CPB1: variants seen among roughly 807,000 people sequenced by gnomAD.
CPB1 encodes carboxypeptidase B.
In CPB1, 53 loss-of-function variants were observed where a neutral mutation model predicts 51.4. That is an observed-to-expected ratio of 1.03 (90% CI 0.83 to 1.30). The LOEUF (loss-of-function observed/expected upper bound fraction) is 1.30, where lower values mean the gene tolerates loss of function less well. Among genes scored for constraint, CPB1 ranks in the 50% most tolerant of loss-of-function variants. The pLI is 0.00. For missense variants in CPB1, 494 were observed against 516.2 expected, an observed-to-expected ratio of 0.96 and a Z score of 0.42; for synonymous variants, 189 against 186.9, an observed-to-expected ratio of 1.01 and a Z score of -0.09.
At chr3:148,836,677 T>C (rs1712915331) in intron 3 of CPB1, among the ~76,000 whole-genome samples, 1 of 152,196 alleles carries the variant, frequency 6.6e-6, no homozygotes, top group South Asian at 2.1e-4. Context: ...TAATTTTTGC[T>C]TCGCTGTTCA....
Position 148,859,950 on chromosome 3 carries a change from C to T in CPB1, c.1202C>T (p.Thr401Ile), listed in dbSNP as rs757430812. The change falls in exon 11 of 11, where the codon ACC (threonine) becomes ATC (isoleucine). Residue 401 changes from threonine to isoleucine, a missense_variant. Thr to Ile is a moderately conservative substitution (Grantham distance 89, BLOSUM62 -1). Coordinates refer to ENST00000282957, the MANE Select transcript of CPB1 (RefSeq NM_001871.3). ...ESQIRATCEE[T>I]FLAIKYVASY... is the part of the protein sequence containing the mutation. ...CAGATCCGGGCTACCTGCGAGGAGA[C>T]CTTCCTGGCAATCAAGTATGTTGCC... The T allele has an allele frequency of 6.2e-7, 1 of 1,614,106 alleles. No individual in the cohort carries two copies. Among genetic ancestry groups the T allele is most frequent in the East Asian group, 2.2e-5 (1 of 44,884 alleles).
chr3:148,852,272 T>C (rs972166698), intron 9 of CPB1, among the ~76,000 whole-genome samples: 2 of 152,196 alleles, frequency 1.3e-5, no homozygotes, highest in East Asian at 3.8e-4. Flanking sequence ...TTTCAACTAA[T>C]TTTGCCCCCC....
At chr3:148,857,361 C>T (rs1713609881) in intron 9 of CPB1, 96 bp from the exon 10 acceptor site, 1 of 893,616 alleles carries the variant, frequency 1.1e-6, no homozygotes, top group Non-Finnish European at 1.8e-6. Flanking sequence ...CAAATTGTTA[C>T]TTACATGCTT....
At chr3:148,832,157 T>G (rs1712757620) in intron 2 of CPB1, among the ~76,000 whole-genome samples, 1 of 152,194 alleles carries the variant, frequency 6.6e-6, no homozygotes, top group Admixed American at 6.5e-5. Flanking sequence ...TGCCCCATCT[T>G]AAAGAATCCA....
At chr3:148,829,468 AT>A (rs921558993) in intron 2 of CPB1, among the ~76,000 whole-genome samples, 5 of 152,092 alleles carry the variant, frequency 3.3e-5, no homozygotes, top group East Asian at 3.9e-4. Context: ...CCATTAGGTA[AT>A]TTTTTTTCCT....
intron 10 of CPB1, among the ~76,000 whole-genome samples, chr3:148,858,170 A>C (rs1713640601): frequency 6.6e-6 from 1 of 152,170 alleles, no homozygotes; most frequent in Non-Finnish European, 1.5e-5. Context: ...ATGCACAAGG[A>C]AAGAACACAC....
intron 6 of CPB1, among the ~76,000 whole-genome samples, chr3:148,843,930 C>G (rs1713159411): frequency 6.6e-6 from 1 of 152,112 alleles, no homozygotes; most frequent in South Asian, 2.1e-4. Context: ...TCCCCAAAAT[C>G]CATGAGTGTG....
chr3:148,843,180 T>G (rs1392871748), intron 6 of CPB1, among the ~76,000 whole-genome samples: 2 of 152,162 alleles, frequency 1.3e-5, no homozygotes, highest in African/African-American at 2.4e-5. Context: ...CTGAATAAAG[T>G]CTACAGTTTA....
intron 5 of CPB1, among the ~76,000 whole-genome samples, chr3:148,841,460 G>A (rs996892603): frequency 6.6e-6 from 1 of 152,136 alleles, no homozygotes; most frequent in South Asian, 2.1e-4. Flanking sequence ...CAAGATTAGC[G>A]ACAATCATGA....
chr3:148,830,302 A>C (rs1712693919), intron 2 of CPB1, among the ~76,000 whole-genome samples: 1 of 152,174 alleles, frequency 6.6e-6, no homozygotes, highest in Non-Finnish European at 1.5e-5. Context: ...TCACATCTGC[A>C]GTATTTTTTT....
chr3:148,830,636 C>T (rs1024166751), intron 2 of CPB1, among the ~76,000 whole-genome samples: 1 of 152,152 alleles, frequency 6.6e-6, no homozygotes, highest in Non-Finnish European at 1.5e-5. Context: ...ATGTCCTCAT[C>T]TACCTTGGGC....
At chr3:148,830,246 C>A (rs1353590713) in intron 2 of CPB1, among the ~76,000 whole-genome samples, 3 of 152,140 alleles carry the variant, frequency 2.0e-5, no homozygotes, top group Non-Finnish European at 4.4e-5. Context: ...CGCCAGTGAG[C>A]CCTTCGAGCT....
Position 148,840,724 on chromosome 3 carries a change from A to T in CPB1, c.311A>T (p.Gln104Leu). The change falls in exon 4 of 11, where the codon CAG becomes CTG. Residue 104 changes from glutamine to leucine, a missense_variant. Transcript: ENST00000282957. The stretch of plus-strand genomic sequence containing the variant: ...AACCTGAGAAATGTGGTGGAGGCTC[A>T]GTTTGATAGCCGGGTTCGTGCAACA... ...ISNLRNVVEAQFDSRVRATGH... is the reference protein window; with the variant it reads ...ISNLRNVVEALFDSRVRATGH... The T allele has an allele frequency of 3.1e-6, 5 of 1,614,190 alleles. No individual in the cohort carries two copies. The highest frequency in any genetic ancestry group is 4.2e-6 in the Non-Finnish European group (5 of 1,180,018).
chr3:148,839,369 T>C (rs1010307964), intron 3 of CPB1, among the ~76,000 whole-genome samples: 1 of 152,124 alleles, frequency 6.6e-6, no homozygotes, highest in African/African-American at 2.4e-5. Context: ...TACAGAACTA[T>C]AAAATAAAAA....
intron 2 of CPB1, among the ~76,000 whole-genome samples, chr3:148,834,089 CA>C (rs1712821416): frequency 6.6e-6 from 1 of 152,160 alleles, no homozygotes; most frequent in Non-Finnish European, 1.5e-5. Flanking sequence ...AAAAGTAAAA[CA>C]GCTTCATATT....
At position 148,845,510 on chromosome 3, in the gene CPB1, T is replaced by TTCATC; in HGVS notation, c.866_870dup (p.Arg291SerfsTer13). ...AAAGGAGACCAAGGCCCTGGCTGAT[T>TTCATC]TCATCCGCAACAAACTCTCTTCCAT... is the stretch of plus-strand genomic sequence containing the variant. On this transcript the variant is annotated frameshift_variant, in exon 9 of 11. Transcript: ENST00000282957. LOFTEE classifies it high-confidence loss of function. 1 of 1,613,936 alleles carries TTCATC rather than the reference T, an allele frequency of 6.2e-7. No individual in the cohort carries two copies. The highest frequency in any genetic ancestry group is 1.7e-4 in the Middle Eastern group (1 of 6,060).
chr3:148,848,149 AAAAC>A (rs1243622696), intron 9 of CPB1, among the ~76,000 whole-genome samples: 13 of 152,206 alleles, frequency 8.5e-5, no homozygotes, highest in Non-Finnish European at 1.6e-4. Context: ...ACATTTTGCT[AAAAC>A]AAGCTCATTA....
chr3:148,833,212 A>T (rs973634546), intron 2 of CPB1, among the ~76,000 whole-genome samples: 2 of 152,004 alleles, frequency 1.3e-5, no homozygotes, highest in Non-Finnish European at 2.9e-5. Flanking sequence ...TCCTTATCCA[A>T]ACATTGATAC....
chr3:148,835,628 T>C (rs1712882564), intron 3 of CPB1, among the ~76,000 whole-genome samples: 1 of 152,108 alleles, frequency 6.6e-6, no homozygotes, highest in Admixed American at 6.5e-5. Flanking sequence ...AAGTCTCTAG[T>C]ACAAAGCAGA....
Sources: gnomAD v4.1 joint callset for allele counts (sites outside exome capture counted in the v4.1 genomes callset) on GRCh38, gnomAD v4.1.1 for gene constraint, MANE v1.5 for transcripts, NCBI Gene and HGNC (gene_info 2026-07-23, HGNC 2026-07-21) for gene names.